PRRX2: variants seen among roughly 807,000 people sequenced by gnomAD.
The protein encoded by PRRX2 is paired related homeobox 2, also known as paired mesoderm homeobox protein 2.
A neutral mutation model predicts 18.0 loss-of-function variants in PRRX2; 11 were observed. That is an observed-to-expected ratio of 0.61 (90% confidence interval 0.39 to 1.01). The LOEUF is 1.01. Among genes scored for constraint, PRRX2 ranks in the 50% least tolerant of loss-of-function variants. The pLI, the probability that PRRX2 is intolerant of heterozygous loss-of-function variation, is 0.01. For synonymous variants in PRRX2, 177 were observed against 154.8 expected (o/e 1.14, Z -1.06); for missense variants, 387 against 351.0 (o/e 1.10, Z -0.82).
At position 129,709,135 on chromosome 9, in the gene PRRX2, G is replaced by A. The variant is rs1473766563; in HGVS notation, c.260-10096G>A. ...CTTTAGCCAGTGCGGTGGGGATGGG[G>A]GAAGGGTGCCCTAGCTAGAGGGAAC... On this transcript the variant is annotated intron_variant, in intron 1 of 3. Coordinates refer to ENST00000372469, the MANE Select transcript of PRRX2 (RefSeq NM_016307.4). The surrounding 1 kb of genome is among the most constrained non-coding windows in gnomAD (Gnocchi z 4.2). Among the ~76,000 whole-genome samples, 1 of 152,142 alleles carries A rather than the reference G, an allele frequency of 6.6e-6. No individual in the cohort carries two copies. The highest frequency in any genetic ancestry group is 1.5e-5 in the Non-Finnish European group (1 of 68,024).
chr9:129,677,782 C>T (rs1206564900), intron 1 of PRRX2, among the ~76,000 whole-genome samples: 2 of 152,174 alleles, frequency 1.3e-5, no homozygotes. Flanking sequence ...AGTGTCAGGG[C>T]TCAAAGCGGG....
rs537718415 is a variant in PRRX2, at chr9:129,691,855, T to A, written c.259+25729T>A. ...CACCATGCTCAGCTAATTAAAAAAA[T>A]TTTTTTTGTAGGGACAGGGTGTCAC... On this transcript the variant is annotated intron_variant, in intron 1 of 3. Transcript: ENST00000372469. Among the ~76,000 whole-genome samples, 22 of 151,562 alleles carry A rather than the reference T, an allele frequency of 1.5e-4. No homozygotes were observed. The South Asian group carries it at 2.3e-3, about 16-fold the overall frequency.
At chr9:129,682,554 AG>A (rs1832246630) in intron 1 of PRRX2, among the ~76,000 whole-genome samples, 1 of 152,130 alleles carries the variant, frequency 6.6e-6, no homozygotes, top group African/African-American at 2.4e-5. Flanking sequence ...TGGTGAGAAT[AG>A]GGACTTGTTT....
rs563363497 is a variant in PRRX2, at chr9:129,670,436, G to A, written c.259+4310G>A. 4.6e-5 allele frequency among the ~76,000 whole-genome samples: 7 copies of A among 152,178 alleles called. No individual in the cohort carries two copies. The East Asian group carries it at 1.4e-3, about 29-fold the overall frequency. On this transcript the variant is annotated intron_variant, in intron 1 of 3. Transcript: ENST00000372469. ...ATTGACCGGGTTGGAGTACAGTGGT[G>A]TGATCTCCGCTCACTGCAACCTCCG...
chr9:129,704,593 C>T (rs11788219), intron 1 of PRRX2, among the ~76,000 whole-genome samples: 29,629 of 152,128 alleles, frequency 0.19, 2,991 homozygotes, highest in Middle Eastern at 0.33. Flanking sequence ...CTGCAGGCAG[C>T]ACATCTCAGC....
intron 1 of PRRX2, among the ~76,000 whole-genome samples, chr9:129,693,032 C>A (rs555945450): frequency 2.6e-5 from 4 of 152,306 alleles, no homozygotes; most frequent in African/African-American, 9.6e-5. Context: ...ATGAGAGTTC[C>A]TGTTGCCCCA....
intron 1 of PRRX2, among the ~76,000 whole-genome samples, chr9:129,672,799 C>T (rs184353289): frequency 4.7e-4 from 71 of 152,256 alleles, no homozygotes; most frequent in Non-Finnish European, 7.1e-4. Flanking sequence ...CCCGGATGCA[C>T]GAGAGCTGTG....
chr9:129,670,431 G>A (rs1832085610), intron 1 of PRRX2, among the ~76,000 whole-genome samples: 1 of 152,150 alleles, frequency 6.6e-6, no homozygotes, highest in African/African-American at 2.4e-5. Context: ...TTGGAGTACA[G>A]TGGTGTGATC....
At chr9:129,680,972 G>A (rs7862417) in intron 1 of PRRX2, among the ~76,000 whole-genome samples, 101,402 of 152,222 alleles carry the variant, frequency 0.67, 35,766 homozygotes, top group African/African-American at 0.91. Flanking sequence ...GATTAATTAC[G>A]ACATCTAGAA....
chr9:129,685,022 C>A (rs1263989806), intron 1 of PRRX2, among the ~76,000 whole-genome samples: 1 of 152,198 alleles, frequency 6.6e-6, no homozygotes, highest in Non-Finnish European at 1.5e-5. Context: ...CATCTTGTCC[C>A]CTCTACCAGG....
intron 1 of PRRX2, among the ~76,000 whole-genome samples, chr9:129,696,453 T>C (rs1832423623): frequency 6.6e-6 from 1 of 152,066 alleles, no homozygotes; most frequent in Non-Finnish European, 1.5e-5. Flanking sequence ...TGGGCGCCTG[T>C]AATTTCAGCT....
At chr9:129,721,576 A>ATTTAT (rs1259845617) in intron 3 of PRRX2, among the ~76,000 whole-genome samples, 10 of 151,768 alleles carry the variant, frequency 6.6e-5, no homozygotes, top group Non-Finnish European at 1.5e-4. Context: ...GGGCATCCTT[A>ATTTAT]TTTATTTATG....
chr9:129,713,572 GGGTTCGCAGCCTT>G (rs1404109601), intron 1 of PRRX2, among the ~76,000 whole-genome samples: 1 of 152,152 alleles, frequency 6.6e-6, no homozygotes, highest in Non-Finnish European at 1.5e-5. Context: ...CCGTGAAGAG[GGGTTCGCAGCCTT>G]GGCTTGGCCA....
chr9:129,684,427 A>AACACACACACACAC lies in PRRX2; in HGVS notation c.259+18320_259+18333dup, dbSNP rs72324782. Among the ~76,000 whole-genome samples, 6 of 83,012 alleles carry AACACACACACACAC rather than the reference A, an allele frequency of 7.2e-5. No homozygotes were observed. The South Asian group carries it at 1.2e-3, about 17-fold the overall frequency. The allele number at this position is 83,012 out of a possible 152,430, so 54.5% of individuals were successfully genotyped here. The stretch of plus-strand genomic sequence containing the variant: ...CACAGAGAGAGACACACACAGATAC[A>AACACACACACACAC]ACACACACACACACACACACACACA... On this transcript the variant is annotated intron_variant, in intron 1 of 3. Transcript: ENST00000372469.
At position 129,675,949 on chromosome 9, in the gene PRRX2, A is replaced by G. The variant is rs995068477; in HGVS notation, c.259+9823A>G. 1.3e-5 allele frequency among the ~76,000 whole-genome samples: 2 copies of G among 152,224 alleles called. No individual in the cohort carries two copies. Among genetic ancestry groups the G allele is most frequent in the African/African-American group, 2.4e-5 (1 of 41,462 alleles). ...CGCGTAACAGAAAACAGCTGTTAAC[A>G]GCAGCCCTCTAATGCTCTCAAGATG... On this transcript the variant is annotated intron_variant, in intron 1 of 3. Transcript: ENST00000372469. The surrounding 1 kb of genome is among the most constrained non-coding windows in gnomAD (Gnocchi z 4.4).
intron 1 of PRRX2, among the ~76,000 whole-genome samples, chr9:129,694,105 T>C (rs1362262657): frequency 6.6e-6 from 1 of 151,820 alleles, no homozygotes; most frequent in Non-Finnish European, 1.5e-5. Context: ...CGATCAGGAG[T>C]GGCAGGGAAA....
chr9:129,700,407 C>T (rs1345664859), intron 1 of PRRX2, among the ~76,000 whole-genome samples: 2 of 146,168 alleles, frequency 1.4e-5, no homozygotes, highest in South Asian at 2.2e-4. Context: ...GGCGCAATCT[C>T]GGCTCTCCGC....
Position 129,715,750 on chromosome 9 carries a change from T to TCTCTCTCTCTCTCTCTCTCACACA in PRRX2, c.260-3480_260-3479insTCTCTCTCTCTCTCTCTCACACAC, listed in dbSNP as rs762929485. ...AAACCCAGCTTCAGGGACATCTTTCTCACACACACACACACACACACACAC... is the reference window on the plus strand; with the variant it reads ...AAACCCAGCTTCAGGGACATCTTTCTCTCTCTCTCTCTCTCTCTCACACACACACACACACACACACACACACAC... On this transcript the variant is annotated intron_variant, in intron 1 of 3. Transcript: ENST00000372469. This position sits in a 1 kb window ranked among gnomAD's most constrained non-coding sequence, Gnocchi z 4.0. 7.2e-5 allele frequency among the ~76,000 whole-genome samples: 10 copies of TCTCTCTCTCTCTCTCTCTCACACA among 138,950 alleles called. No homozygotes were observed. In the East Asian group the frequency reaches 1.6e-3, roughly 22 times the overall value. The allele number at this position is 138,950 out of a possible 152,430, so 91.2% of individuals were successfully genotyped here.
In PRRX2 at chr9:129,722,609, G is replaced by C. The variant is rs1588179481; in HGVS notation, c.*257G>C. 1 of 376,268 alleles carries C rather than the reference G, an allele frequency of 2.7e-6. No homozygotes were observed. The highest frequency in any genetic ancestry group is 3.9e-5 in the East Asian group (1 of 25,714). 23.3% of individuals were successfully genotyped at this position (376,268 alleles called of 1,614,324 possible). On this transcript the variant is annotated 3_prime_UTR_variant, in exon 4 of 4. Coordinates refer to ENST00000372469, the MANE Select transcript of PRRX2 (RefSeq NM_016307.4). ...AAGAGCCTGCCAAGGACCTCATTTA[G>C]TTTGTGTATTAAAACCAAAAAGCTT...
Sources: allele counts gnomAD v4.1 joint callset (sites outside exome capture counted in the v4.1 genomes callset), GRCh38; gene constraint gnomAD v4.1.1; non-coding constraint Gnocchi (gnomAD v3.1); transcripts MANE v1.5; gene names NCBI Gene and HGNC (gene_info 2026-07-23, HGNC 2026-07-21).